Variants in KCNMA1 observed in about 807,000 individuals in gnomAD.
KCNMA1 encodes the protein Calcium-activated potassium channel subunit alpha-1.
Under a neutral mutation model 140.0 loss-of-function variants are expected in KCNMA1, and 29 were observed. The ratio of observed to expected loss-of-function variants is 0.21; its 90% CI spans 0.15 to 0.28. The LOEUF is 0.28. Ranked by LOEUF, KCNMA1 falls within the 10% of genes least tolerant of loss-of-function variation. The pLI is 1.00. For missense variants in KCNMA1, 880 were observed against 1,602.2 expected (o/e 0.55, Z 7.70); for synonymous variants, 612 against 611.9 (o/e 1.00, Z 0.00).
chr10:77,267,846 C>T (rs999974270), intron 2 of KCNMA1, among the ~76,000 whole-genome samples: 7 of 152,156 alleles, frequency 4.6e-5, no homozygotes, highest in Admixed American at 4.6e-4. Flanking sequence ...TCCCTGGGGA[C>T]ATTTAAGTTG....
intron 2 of KCNMA1, among the ~76,000 whole-genome samples, chr10:77,251,981 T>C (rs2059754783): frequency 6.6e-6 from 1 of 152,240 alleles, no homozygotes; most frequent in South Asian, 2.1e-4. Context: ...ATGTATGATC[T>C]ATATGATTAG....
intron 1 of KCNMA1, among the ~76,000 whole-genome samples, chr10:77,618,372 T>C (rs2090286499): frequency 6.6e-6 from 1 of 152,196 alleles, no homozygotes; most frequent in Non-Finnish European, 1.5e-5. Flanking sequence ...CCCTGTTGCC[T>C]CAATGATTCC....
At chr10:76,909,892 G>A (rs1244365230) in intron 25 of KCNMA1, 74 bp downstream of exon 25, 3 of 1,529,880 alleles carry the variant, frequency 2.0e-6, no homozygotes, top group Admixed American at 1.8e-5. Context: ...GCAGCCCAGG[G>A]CCTCAAAGGT....
chr10:76,874,190 G>C (rs1473988576), downstream of KCNMA1: 1 of 152,194 alleles, frequency 6.6e-6, no homozygotes, highest in African/African-American at 2.4e-5. Context: ...TGAACCTAAA[G>C]AGAATCTAAA....
intron 1 of KCNMA1, among the ~76,000 whole-genome samples, chr10:77,432,113 C>T (rs140502177): frequency 8.7e-4 from 132 of 152,350 alleles, no homozygotes; most frequent in African/African-American, 3.2e-3. Flanking sequence ...GCCACAGCTG[C>T]ACTCTACCTC....
At chr10:77,346,801 T>C (rs1302536809) in intron 2 of KCNMA1, among the ~76,000 whole-genome samples, 1 of 152,204 alleles carries the variant, frequency 6.6e-6, no homozygotes, top group Non-Finnish European at 1.5e-5. Context: ...TCTGTCCTGG[T>C]GAAATGGCAT....
chr10:77,295,243 A>C (rs1343092072), intron 2 of KCNMA1, among the ~76,000 whole-genome samples: 1 of 151,852 alleles, frequency 6.6e-6, no homozygotes, highest in Admixed American at 6.6e-5. Flanking sequence ...GCTACTCCAG[A>C]GGCTGAAGCA....
chr10:77,040,418 G>A (rs577975323), intron 14 of KCNMA1, among the ~76,000 whole-genome samples: 3 of 152,164 alleles, frequency 2.0e-5, no homozygotes, highest in Non-Finnish European at 2.9e-5. Context: ...GGAAATAACC[G>A]TAAATGGCAC....
chr10:76,947,461 C>T (rs958324985), intron 22 of KCNMA1, among the ~76,000 whole-genome samples: 1 of 152,202 alleles, frequency 6.6e-6, no homozygotes, highest in South Asian at 2.1e-4. Context: ...TCTCCACACA[C>T]ATACACACAC....
chr10:77,162,907 C>T lies in KCNMA1; in HGVS notation c.808+20514G>A, dbSNP rs536945020. ...GACTGCGGGGTTCATATTTCCTACA[C>T]GGTCGTGACTCATCCTCGGAAGATC... On this transcript the variant is annotated intron_variant, in intron 5 of 27. Transcript: ENST00000286628. Among the ~76,000 whole-genome samples, 7 of 152,320 alleles carry T rather than the reference C, an allele frequency of 4.6e-5. 1 individual carries two copies. The East Asian group carries it at 1.3e-3, about 29-fold the overall frequency.
chr10:77,108,294 T>G lies in KCNMA1; in HGVS notation c.1223+187A>C. ...TGATGCAACTGACTTACTTTCTGCCTCCATGTTTGTTAAAAGTCCCGCCGA... is the reference window on the plus strand; with the variant it reads ...TGATGCAACTGACTTACTTTCTGCCGCCATGTTTGTTAAAAGTCCCGCCGA... On this transcript the variant is annotated intron_variant, in intron 9 of 27. Transcript: ENST00000286628. The surrounding 1 kb of genome is among the most constrained non-coding windows in gnomAD (Gnocchi z 4.6). 7.4e-6 allele frequency: 11 copies of G among 1,490,250 alleles called. No individual in the cohort carries two copies. The allele number at this position is 1,490,250 out of a possible 1,614,324, so 92.3% of individuals were successfully genotyped here. A position where few individuals can be genotyped will look rare whatever the true frequency, so the allele number is the denominator to read the frequency against.
At chr10:77,322,774 T>TA (rs979440772) in intron 2 of KCNMA1, among the ~76,000 whole-genome samples, 117 of 149,408 alleles carry the variant, frequency 7.8e-4, no homozygotes, top group African/African-American at 2.2e-3. Flanking sequence ...GACCGACTGT[T>TA]AAAAAAAAAA....
intron 2 of KCNMA1, among the ~76,000 whole-genome samples, chr10:77,376,254 C>A (rs2095094701): frequency 6.6e-6 from 1 of 152,176 alleles, no homozygotes; most frequent in East Asian, 1.9e-4. Context: ...CCAAAAGAGG[C>A]TGGGGAAATT....
chr10:76,931,617 A>T (rs200386466), intron 23 of KCNMA1, among the ~76,000 whole-genome samples: 1 of 152,112 alleles, frequency 6.6e-6, no homozygotes, highest in Non-Finnish European at 1.5e-5. Context: ...CTTCACCAAC[A>T]TCAGGGCTCC....
chr10:77,588,893 T>C (rs915925195), intron 1 of KCNMA1, among the ~76,000 whole-genome samples: 1 of 152,098 alleles, frequency 6.6e-6, no homozygotes, highest in Non-Finnish European at 1.5e-5. Flanking sequence ...ATAAACGGAG[T>C]GCCGTTCCTG....
chr10:77,173,322 G>C (rs1300222785), intron 5 of KCNMA1, among the ~76,000 whole-genome samples: 1 of 152,128 alleles, frequency 6.6e-6, no homozygotes, highest in Admixed American at 6.5e-5. Flanking sequence ...TTTGGAGGTA[G>C]ATTGCCTGAG....
Position 77,082,002 on chromosome 10 carries a change from CTTTTCTTTTTTTTTTT to C in KCNMA1, c.1524-2468_1524-2453del, listed in dbSNP as rs1193224281. ...CCTTTGACCAGTAATTTCTTTTTTTCTTTTCTTTTTTTTTTTTTTTTTTTTTTTTTTTTTTTTTTTA... is the reference window on the plus strand; with the variant it reads ...CCTTTGACCAGTAATTTCTTTTTTTCTTTTTTTTTTTTTTTTTTTTTTTTA... On this transcript the variant is annotated intron_variant, in intron 12 of 27. Coordinates refer to ENST00000286628, the MANE Select transcript of KCNMA1 (RefSeq NM_001161352.2). Among the ~76,000 whole-genome samples, 192 of 51,686 alleles carry C rather than the reference CTTTTCTTTTTTTTTTT, an allele frequency of 3.7e-3. 3 individuals carry two copies. The highest frequency in any genetic ancestry group is 4.1e-3 in the Non-Finnish European group (88 of 21,714). The allele number at this position is 51,686 out of a possible 152,430, so 33.9% of individuals were successfully genotyped here.
At chr10:77,390,533 G>T (rs1227218599) in intron 2 of KCNMA1, among the ~76,000 whole-genome samples, 1 of 152,178 alleles carries the variant, frequency 6.6e-6, no homozygotes, top group African/African-American at 2.4e-5. Flanking sequence ...AGGTGCCTCA[G>T]GGATTAAGGA....
At chr10:77,115,372 T>C (rs558183864) in intron 6 of KCNMA1, among the ~76,000 whole-genome samples, 1 of 152,350 alleles carries the variant, frequency 6.6e-6, no homozygotes, top group South Asian at 2.1e-4. Flanking sequence ...GATGTTGTGT[T>C]AAGCAGAATT....
Sources: gnomAD v4.1 joint callset for allele counts (sites outside exome capture counted in the v4.1 genomes callset) on GRCh38, gnomAD v4.1.1 for gene constraint, Gnocchi (gnomAD v3.1) non-coding constraint, MANE v1.5 for transcripts, NCBI Gene and HGNC (gene_info 2026-07-23, HGNC 2026-07-21) for gene names.